The following STIM2 variants were observed in gnomAD, a reference collection of about 807,000 sequenced individuals.
STIM2 encodes the protein stromal interaction molecule 2.
Under a neutral mutation model 85.8 loss-of-function variants are expected in STIM2, and 31 were observed. The observed-to-expected ratio is 0.36, with a 90% CI of 0.27 to 0.49. The LOEUF is 0.49. Among genes scored for constraint, STIM2 ranks in the 20% least tolerant of loss-of-function variants. STIM2 has a pLI of 0.98. For missense variants in STIM2, 841 were observed against 927.6 expected (o/e 0.91, Z 1.21); for synonymous variants, 356 against 331.1 (o/e 1.08, Z -0.82).
intron 2 of STIM2, among the ~76,000 whole-genome samples, chr4:26,947,793 G>T (rs1725892767): frequency 6.6e-6 from 1 of 152,042 alleles, no homozygotes; most frequent in Non-Finnish European, 1.5e-5. Flanking sequence ...TTTAACAACT[G>T]TACTTTGCAC....
At chr4:26,965,158 G>T (rs907809748) in intron 3 of STIM2, among the ~76,000 whole-genome samples, 19 of 152,146 alleles carry the variant, frequency 1.2e-4, no homozygotes, top group Admixed American at 9.2e-4. Flanking sequence ...TTCACAGAAA[G>T]CACCTTATGC....
At chr4:26,861,428 G>T (rs918111550) in intron 1 of STIM2, 59 bp downstream of exon 1, 7 of 1,256,354 alleles carry the variant, frequency 5.6e-6, no homozygotes, top group Non-Finnish European at 6.0e-6. Flanking sequence ...CCCCCAACCC[G>T]TGCAGAGGTC....
chr4:26,898,709 A>G (rs1723797878), intron 1 of STIM2, among the ~76,000 whole-genome samples: 2 of 152,184 alleles, frequency 1.3e-5, no homozygotes, highest in African/African-American at 4.8e-5. Flanking sequence ...ATAAGTTGAT[A>G]TCCTTGCAAT....
intron 1 of STIM2, among the ~76,000 whole-genome samples, chr4:26,895,184 C>T (rs1723654198): frequency 6.6e-6 from 1 of 152,170 alleles, no homozygotes; most frequent in African/African-American, 2.4e-5. Flanking sequence ...TGCACTCCAG[C>T]CTAGGCGACA....
chr4:26,995,477 A>C lies in STIM2; in HGVS notation c.496A>C (p.Thr166Pro). The stretch of plus-strand genomic sequence containing the variant: ...TTTTAGAGACAACAATGTCAAAGGA[A>C]CGACACTTCCCAGGTGAGTCTTTGT... The change falls in exon 4 of 12, where the codon ACG (threonine) becomes CCG (proline). Residue 166 changes from threonine (T) to proline (P), a missense_variant. By Grantham distance (38) the Thr-to-Pro change is conservative (BLOSUM62 -1). Coordinates refer to ENST00000467087, the MANE Select transcript of STIM2 (RefSeq NM_020860.4). 1 of 1,597,796 alleles carries C rather than the reference A, an allele frequency of 6.3e-7. No homozygotes were observed. The highest frequency in any genetic ancestry group is 8.5e-7 in the Non-Finnish European group (1 of 1,172,102).
At chr4:26,954,155 C>T (rs1225068739) in intron 2 of STIM2, among the ~76,000 whole-genome samples, 1 of 152,098 alleles carries the variant, frequency 6.6e-6, no homozygotes, top group African/African-American at 2.4e-5. Flanking sequence ...AAAATAACAG[C>T]ACAAATACAA....
At chr4:27,013,273 G>A (rs955233251) in intron 10 of STIM2, among the ~76,000 whole-genome samples, 6 of 151,634 alleles carry the variant, frequency 4.0e-5, no homozygotes, top group Admixed American at 6.6e-5. Context: ...GGGGGAAACC[G>A]CATTTACATA....
chr4:26,915,343 T>G (rs1724496933), intron 1 of STIM2, among the ~76,000 whole-genome samples: 1 of 152,190 alleles, frequency 6.6e-6, no homozygotes, highest in Non-Finnish European at 1.5e-5. Context: ...CAAGCGATTC[T>G]CCTGTCTCAG....
intron 4 of STIM2, among the ~76,000 whole-genome samples, chr4:26,997,004 T>C (rs1185327322): frequency 6.6e-6 from 1 of 152,162 alleles, no homozygotes; most frequent in African/African-American, 2.4e-5. Flanking sequence ...ACTCCTTAAA[T>C]AGTGAACATG....
At chr4:26,919,965 T>A (rs1258649492) in intron 2 of STIM2, among the ~76,000 whole-genome samples, 1 of 152,122 alleles carries the variant, frequency 6.6e-6, no homozygotes, top group Admixed American at 6.6e-5. Context: ...ATGACAACAG[T>A]TTATTATTTC....
intron 2 of STIM2, among the ~76,000 whole-genome samples, chr4:26,929,022 G>C (rs1725100652): frequency 6.6e-6 from 1 of 152,092 alleles, no homozygotes; most frequent in South Asian, 2.1e-4. Context: ...GCCATATTTG[G>C]CTATTGAGCA....
intron 2 of STIM2, among the ~76,000 whole-genome samples, chr4:26,939,619 A>T (rs1725523504): frequency 1.3e-5 from 2 of 152,202 alleles, no homozygotes; most frequent in African/African-American, 4.8e-5. Flanking sequence ...TTAATATCAT[A>T]CAAGTACCTG....
chr4:26,976,111 A>C (rs969391847), intron 3 of STIM2, among the ~76,000 whole-genome samples: 7 of 152,150 alleles, frequency 4.6e-5, no homozygotes, highest in African/African-American at 1.7e-4. Context: ...GGGAAAGCGC[A>C]GTATTTGGGC....
chr4:26,995,296 CTT>C (rs1727914080), intron 3 of STIM2, 81 bp from the exon 4 acceptor site: 1 of 718,884 alleles, frequency 1.4e-6, no homozygotes, highest in Admixed American at 2.9e-5. Context: ...AATCTAATAT[CTT>C]TATATTCTCT....
At chr4:26,993,713 A>G (rs891331491) in intron 3 of STIM2, among the ~76,000 whole-genome samples, 1 of 152,168 alleles carries the variant, frequency 6.6e-6, no homozygotes, top group Non-Finnish European at 1.5e-5. Context: ...TTCCCTTTGC[A>G]TAAACTCATC....
intron 3 of STIM2, among the ~76,000 whole-genome samples, chr4:26,984,188 C>T (rs746639215): frequency 2.5e-4 from 38 of 152,192 alleles, no homozygotes; most frequent in Non-Finnish European, 5.4e-4. Context: ...GTCATCCATT[C>T]ACTCGTCCAA....
intron 5 of STIM2, among the ~76,000 whole-genome samples, chr4:26,999,922 A>G (rs1728088995): frequency 6.6e-6 from 1 of 152,174 alleles, no homozygotes; most frequent in African/African-American, 2.4e-5. Flanking sequence ...TAAACCTTGT[A>G]TTTATTTACT....
chr4:26,895,833 G>A (rs765630107), intron 1 of STIM2, among the ~76,000 whole-genome samples: 2 of 152,124 alleles, frequency 1.3e-5, no homozygotes, highest in African/African-American at 4.8e-5. Context: ...TCTTTGTAAG[G>A]GTGTTTGAAG....
chr4:26,908,545 G>A (rs1433990375), intron 1 of STIM2, among the ~76,000 whole-genome samples: 1 of 152,190 alleles, frequency 6.6e-6, no homozygotes, highest in Non-Finnish European at 1.5e-5. Context: ...GTGCAATGGT[G>A]CAATCTCAGC....
Sources: gnomAD v4.1 joint callset for allele counts (sites outside exome capture counted in the v4.1 genomes callset) on GRCh38, gnomAD v4.1.1 for gene constraint, MANE v1.5 for transcripts, NCBI Gene and HGNC (gene_info 2026-07-23, HGNC 2026-07-21) for gene names.